TBC1D14: variants seen among roughly 807,000 people sequenced by gnomAD.
TBC1D14 encodes the protein TBC1 domain family, member 14.
TBC1D14 carries 26 observed loss-of-function variants against 79.0 expected under a neutral mutation model. The ratio of observed to expected loss-of-function variants is 0.33; its 90% confidence interval spans 0.24 to 0.46. The LOEUF (loss-of-function observed/expected upper bound fraction) is 0.46, where lower values mean the gene tolerates loss of function less well. TBC1D14 is among the 20% of genes least tolerant of loss of function. The pLI is 1.00. For synonymous variants in TBC1D14, 394 were observed against 349.9 expected (o/e 1.13, Z -1.40); for missense variants, 769 against 887.6 (o/e 0.87, Z 1.70).
At chr4:7,020,706 GTTTTC>G in intron 12 of TBC1D14, among the ~76,000 whole-genome samples, 2 of 152,012 alleles carry the variant, frequency 1.3e-5, no homozygotes, top group Non-Finnish European at 2.9e-5. Flanking sequence ...GTTTTGTTTT[GTTTTC>G]TTTTCTTTTT....
intron 2 of TBC1D14, among the ~76,000 whole-genome samples, chr4:6,942,388 GC>G (rs1240241224): frequency 6.6e-6 from 1 of 152,150 alleles, no homozygotes; most frequent in Admixed American, 6.5e-5. Flanking sequence ...GTTGTGAATA[GC>G]TGTGGTTTAT....
At chr4:7,000,594 T>C (rs1056340632) in intron 6 of TBC1D14, among the ~76,000 whole-genome samples, 6 of 152,226 alleles carry the variant, frequency 3.9e-5, no homozygotes, top group Non-Finnish European at 8.8e-5. Context: ...CCAGCAGAGC[T>C]GAAGGACTCT....
At chr4:6,916,710 A>G (rs953398033) in intron 1 of TBC1D14, among the ~76,000 whole-genome samples, 1 of 152,176 alleles carries the variant, frequency 6.6e-6, no homozygotes, top group Non-Finnish European at 1.5e-5. Context: ...GGTAAATACA[A>G]TTCAGATGGC....
At chr4:7,014,915 T>G (rs946375763) in intron 12 of TBC1D14, among the ~76,000 whole-genome samples, 1 of 152,202 alleles carries the variant, frequency 6.6e-6, no homozygotes. Flanking sequence ...GAGACACGTG[T>G]GTCCATGGAC....
At chr4:6,988,567 G>A (rs1258486634) in intron 3 of TBC1D14, among the ~76,000 whole-genome samples, 1 of 152,232 alleles carries the variant, frequency 6.6e-6, no homozygotes, top group Non-Finnish European at 1.5e-5. Flanking sequence ...GGTACCACTC[G>A]GATGGCCAGC....
intron 13 of TBC1D14, among the ~76,000 whole-genome samples, chr4:7,027,620 CCA>C (rs72304090): frequency 0.41 from 53,713 of 130,138 alleles, 11,918 homozygotes; most frequent in East Asian, 0.6. Context: ...ACAGTCACAT[CCA>C]CACACAATCA....
chr4:6,912,395 A>G (rs1440759478), intron 1 of TBC1D14, among the ~76,000 whole-genome samples: 3 of 151,702 alleles, frequency 2.0e-5, no homozygotes, highest in Non-Finnish European at 4.4e-5. Context: ...TAAAAATAAA[A>G]TAAAAAAAAT....
Position 7,028,529 on chromosome 4 carries a change from C to G in TBC1D14, c.2017-1798C>G, listed in dbSNP as rs540761323. Among the ~76,000 whole-genome samples, 12 of 151,836 alleles carry G rather than the reference C, an allele frequency of 7.9e-5. No homozygotes were observed. In the East Asian group the frequency reaches 2.3e-3, roughly 29 times the overall value. ...GCAACCTCTGCCTCCCGGGTTCAAG[C>G]GATTCTCTTGCCTCAGCCTCCCGAG... On this transcript the variant is annotated intron_variant, in intron 13 of 13. Transcript: ENST00000409757.
intron 1 of TBC1D14, among the ~76,000 whole-genome samples, chr4:6,912,440 TG>T (rs1294954761): frequency 6.7e-6 from 1 of 149,754 alleles, no homozygotes; most frequent in Non-Finnish European, 1.5e-5. Flanking sequence ...TGGGCCCGGG[TG>T]GTTTAGAATT....
At chr4:7,008,820 C>T (rs1263331497) in intron 9 of TBC1D14, among the ~76,000 whole-genome samples, 1 of 152,168 alleles carries the variant, frequency 6.6e-6, no homozygotes, top group Non-Finnish European at 1.5e-5. Context: ...ACACATTTAG[C>T]TTTAAGAGAA....
At chr4:6,950,070 C>T (rs1448099957) in intron 2 of TBC1D14, among the ~76,000 whole-genome samples, 1 of 152,096 alleles carries the variant, frequency 6.6e-6, no homozygotes, top group African/African-American at 2.4e-5. Flanking sequence ...CCGTGCTCCC[C>T]ACCTCCAACA....
At chr4:6,912,874 A>C (rs1723116010) in intron 1 of TBC1D14, among the ~76,000 whole-genome samples, 1 of 152,266 alleles carries the variant, frequency 6.6e-6, no homozygotes, top group South Asian at 2.1e-4. Flanking sequence ...AAATGAGTCC[A>C]AGCTTACACA....
intron 6 of TBC1D14, among the ~76,000 whole-genome samples, chr4:7,000,633 GTTC>G (rs1006112310): frequency 3.3e-5 from 5 of 152,214 alleles, no homozygotes; most frequent in African/African-American, 4.8e-5. Context: ...TGAGTCAGCA[GTTC>G]TTCTCCGCAG....
chr4:7,027,602 T>TA (rs1422834378), intron 13 of TBC1D14, among the ~76,000 whole-genome samples: 1 of 123,660 alleles, frequency 8.1e-6, no homozygotes, highest in African/African-American at 3.2e-5. Context: ...CGCATACAAT[T>TA]ACCCTACACA....
At chr4:6,997,536 G>C (rs1317311391) in intron 5 of TBC1D14, among the ~76,000 whole-genome samples, 1 of 152,172 alleles carries the variant, frequency 6.6e-6, no homozygotes, top group African/African-American at 2.4e-5. Flanking sequence ...TGAGGCAGGA[G>C]AATCGCTTGA....
chr4:6,913,274 C>T (rs937853932), intron 1 of TBC1D14, among the ~76,000 whole-genome samples: 2 of 152,208 alleles, frequency 1.3e-5, no homozygotes, highest in Admixed American at 1.3e-4. Flanking sequence ...GGATTACAGG[C>T]GTGAGCCACC....
At chr4:7,014,806 C>G (rs1721120180) in intron 12 of TBC1D14, among the ~76,000 whole-genome samples, 1 of 152,248 alleles carries the variant, frequency 6.6e-6, no homozygotes, top group Non-Finnish European at 1.5e-5. Flanking sequence ...CCTTAAAGGA[C>G]CCGTCCTAAG....
In TBC1D14 at chr4:7,030,423, A is replaced by G. The variant is rs1435143231; in HGVS notation, c.*31A>G. 2 of 1,611,506 alleles carry G rather than the reference A, an allele frequency of 1.2e-6. No homozygotes were observed. The highest frequency in any genetic ancestry group is 1.7e-6 in the Non-Finnish European group (2 of 1,177,870). ...CAGCGGGAATTCGCACTCGGCACCA[A>G]TCAGAGCCCCATGCCGCGGCCCCTC... On this transcript the variant is annotated 3_prime_UTR_variant, in exon 14 of 14. Transcript: ENST00000409757.
intron 2 of TBC1D14, among the ~76,000 whole-genome samples, chr4:6,956,544 C>A (rs1054295016): frequency 5.3e-5 from 8 of 152,226 alleles, no homozygotes; most frequent in African/African-American, 1.9e-4. Context: ...CTGACACGCC[C>A]GGTCCCCCTT....
Sources: allele counts gnomAD v4.1 joint callset (sites outside exome capture counted in the v4.1 genomes callset), GRCh38; gene constraint gnomAD v4.1.1; transcripts MANE v1.5; gene names NCBI Gene and HGNC (gene_info 2026-07-23, HGNC 2026-07-21).